The following URI1 variants were observed in gnomAD, a reference collection of about 807,000 sequenced individuals.
URI1 encodes URI1 prefoldin like chaperone, also known as unconventional prefoldin RPB5 interactor 1.
In URI1, 39 loss-of-function variants were observed where a neutral mutation model predicts 60.2. The ratio of observed to expected loss-of-function variants is 0.65; its 90% CI spans 0.50 to 0.85. The LOEUF (loss-of-function observed/expected upper bound fraction) is 0.85, where lower values mean the gene tolerates loss of function less well. Among genes scored for constraint, URI1 ranks in the 40% least tolerant of loss-of-function variants. The probability of loss-of-function intolerance (pLI) is 0.00; values close to 1 mark genes in which losing one functional copy is unlikely to be tolerated. For synonymous variants in URI1, 251 were observed against 236.8 expected (o/e 1.06, Z -0.55); for missense variants, 691 against 665.9 (o/e 1.04, Z -0.42).
In URI1 at chr19:29,936,253, A is replaced by G. The variant is rs375570138; in HGVS notation, c.63+12499A>G. 3.9e-3 allele frequency among the ~76,000 whole-genome samples: 598 copies of G among 152,014 alleles called. 2 individuals carry two copies. The highest frequency in any genetic ancestry group is 0.023 in the South Asian group (110 of 4,804). On this transcript the variant is annotated intron_variant, in intron 1 of 10. Transcript: ENST00000360605. ...CAAGTAGATAGGATTACAGGTGCCC[A>G]CCACCGCATCTGGCTAATTTTTGTA...
intron 7 of URI1, among the ~76,000 whole-genome samples, chr19:30,008,707 TTTA>T (rs1210390467): frequency 6.6e-6 from 1 of 152,114 alleles, no homozygotes; most frequent in African/African-American, 2.4e-5. Context: ...TTCTTACAAC[TTTA>T]TTATTATTGA....
Position 30,009,040 on chromosome 19 carries a change from C to A in URI1, c.722C>A (p.Thr241Lys). 6.2e-7 allele frequency: 1 copy of A among 1,612,874 alleles called. No individual in the cohort carries two copies. Among genetic ancestry groups the A allele is most frequent in the Non-Finnish European group, 8.5e-7 (1 of 1,179,326 alleles). The change falls in exon 8 of 11, where the codon ACG becomes AAG. Residue 241 changes from threonine (T) to lysine (K), a missense_variant. Coordinates refer to ENST00000392271, the MANE Select transcript of URI1 (RefSeq NM_003796.3). ...ACTGTGATTGCAAATGGAGAAGATACGACATCTTCTGAAGAGGAAAAGGAA... is the reference window on the plus strand; with the variant it reads ...ACTGTGATTGCAAATGGAGAAGATAAGACATCTTCTGAAGAGGAAAAGGAA... ...PDTVIANGEDTTSSEEEKEDR... is the reference protein window; with the variant it reads ...PDTVIANGEDKTSSEEEKEDR...
At chr19:29,944,139 T>TTATATATATA (rs1568408090) in intron 1 of URI1, among the ~76,000 whole-genome samples, 1 of 30,564 alleles carries the variant, frequency 3.3e-5, no homozygotes, top group African/African-American at 8.9e-5. Context: ...ACCCTGTCAT[T>TTATATATATA]CATATATATA....
chr19:30,001,306 C>T (rs911466712), intron 4 of URI1, among the ~76,000 whole-genome samples: 1 of 151,760 alleles, frequency 6.6e-6, no homozygotes, highest in African/African-American at 2.4e-5. Flanking sequence ...AGGTAGCAAG[C>T]TGATTTATTT....
rs1268913866 is a variant in URI1 at position 29,942,473 on chromosome 19, G to T, written c.-75G>T. 1.7e-4 allele frequency: 178 copies of T among 1,075,152 alleles called. No individual in the cohort carries two copies. Among genetic ancestry groups the T allele is most frequent in the Non-Finnish European group, 2.0e-4 (174 of 887,488 alleles). The allele number at this position is 1,075,152 out of a possible 1,614,324, so 66.6% of individuals were successfully genotyped here. A position where few individuals can be genotyped will look rare whatever the true frequency, so the allele number is the denominator to read the frequency against. Reference sequence around the variant, plus strand: ...CTGAGGGCGGGCGCGCGGGCGCTGGGCAACTGCCGGCCGCGCCGCCTGCGC... The same window carrying T: ...CTGAGGGCGGGCGCGCGGGCGCTGGTCAACTGCCGGCCGCGCCGCCTGCGC... On this transcript the variant is annotated 5_prime_UTR_variant, in exon 1 of 11. Coordinates refer to ENST00000392271, the MANE Select transcript of URI1 (RefSeq NM_003796.3).
intron 1 of URI1, 130 bp from the exon 2 acceptor site, chr19:29,971,063 A>G: frequency 1.2e-6 from 1 of 853,676 alleles, no homozygotes; most frequent in Non-Finnish European, 1.9e-6. Context: ...TGTGCATTTG[A>G]CAAATAAAAA....
At chr19:29,978,933 A>G (rs895132213) in intron 2 of URI1, among the ~76,000 whole-genome samples, 18 of 152,114 alleles carry the variant, frequency 1.2e-4, no homozygotes. Context: ...GGTATCTATG[A>G]TTGGGCCTCT....
chr19:29,942,741 G>T, intron 1 of URI1, 77 bp downstream of exon 1: 1 of 1,288,998 alleles, frequency 7.8e-7, no homozygotes, highest in Non-Finnish European at 9.9e-7. Context: ...GCCGCCCCGC[G>T]TGGCCTAGGC....
intron 1 of URI1, among the ~76,000 whole-genome samples, chr19:29,928,121 T>TA (rs2054885882): frequency 6.6e-6 from 1 of 151,884 alleles, no homozygotes; most frequent in Non-Finnish European, 1.5e-5. Context: ...CAAGTCCAGA[T>TA]ATGTGCAAGC....
At chr19:29,928,043 A>G (rs2054885221) in intron 1 of URI1, among the ~76,000 whole-genome samples, 1 of 152,110 alleles carries the variant, frequency 6.6e-6, no homozygotes. Context: ...AGCCCAGGCT[A>G]TAAGGCAAGG....
intron 1 of URI1, among the ~76,000 whole-genome samples, chr19:29,954,067 A>G (rs915149752): frequency 3.3e-5 from 5 of 152,190 alleles, no homozygotes; most frequent in African/African-American, 9.6e-5. Flanking sequence ...AATTTTCCCC[A>G]GTCTATATTT....
At chr19:29,973,158 T>G (rs780460482) in intron 2 of URI1, among the ~76,000 whole-genome samples, 36 of 152,280 alleles carry the variant, frequency 2.4e-4, no homozygotes, top group Middle Eastern at 3.4e-3. Context: ...TCTTGTGATA[T>G]TTTTGCATTC....
chr19:29,988,739 G>GT (rs1269772500), intron 4 of URI1, among the ~76,000 whole-genome samples: 4 of 152,352 alleles, frequency 2.6e-5, no homozygotes, highest in Middle Eastern at 3.4e-3. Flanking sequence ...CAGAGCTGCT[G>GT]TAAGCCTTTG....
At chr19:29,980,539 C>G (rs1599696866) in intron 2 of URI1, among the ~76,000 whole-genome samples, 2 of 144,604 alleles carry the variant, frequency 1.4e-5, no homozygotes, top group African/African-American at 5.2e-5. Context: ...CGTTAGGCAT[C>G]TCACAGTATT....
intron 1 of URI1, among the ~76,000 whole-genome samples, chr19:29,958,696 A>T (rs1028724409): frequency 6.6e-6 from 1 of 151,466 alleles, no homozygotes; most frequent in African/African-American, 2.4e-5. Flanking sequence ...GCTGCGGCTC[A>T]CACCTGTAAT....
At chr19:29,966,820 T>C (rs1340482094) in intron 1 of URI1, among the ~76,000 whole-genome samples, 4 of 152,208 alleles carry the variant, frequency 2.6e-5, no homozygotes, top group Non-Finnish European at 5.9e-5. Context: ...TATATAAATT[T>C]AGACAGCTCT....
Position 29,942,376 on chromosome 19 carries a change from C to G in URI1, c.-172C>G. The stretch of plus-strand genomic sequence containing the variant: ...GGGGACATGCACGTGTGAGATGCGG[C>G]AGCGGGCGGCGCGGACGCGAACAGC... On this transcript the variant is annotated 5_prime_UTR_variant, in exon 1 of 11. Coordinates refer to ENST00000392271, the MANE Select transcript of URI1 (RefSeq NM_003796.3). The G allele has an allele frequency of 1.0e-6, 1 of 984,110 alleles. No homozygotes were observed. Among genetic ancestry groups the G allele is most frequent in the Non-Finnish European group, 1.2e-6 (1 of 829,418 alleles). The allele number at this position is 984,110 out of a possible 1,614,324, so 61.0% of individuals were successfully genotyped here.
At chr19:29,991,961 T>G (rs192558868) in intron 4 of URI1, among the ~76,000 whole-genome samples, 4 of 152,336 alleles carry the variant, frequency 2.6e-5, no homozygotes, top group Non-Finnish European at 5.9e-5. Context: ...TATTCTTTCA[T>G]GTATTACTGG....
chr19:29,944,142 T>TATAC (rs2145227838), intron 1 of URI1, among the ~76,000 whole-genome samples: 1 of 15,508 alleles, frequency 6.4e-5, no homozygotes, highest in South Asian at 3.0e-3. Context: ...CTGTCATTCA[T>TATAC]ATATATATAT....
Sources: allele counts gnomAD v4.1 joint callset (sites outside exome capture counted in the v4.1 genomes callset), GRCh38; gene constraint gnomAD v4.1.1; transcripts MANE v1.5; gene names NCBI Gene and HGNC (gene_info 2026-07-23, HGNC 2026-07-21).